The following AGBL1 variants were observed in gnomAD, a reference collection of about 807,000 sequenced individuals.
AGBL1 encodes cytosolic carboxypeptidase 4.
In AGBL1, 130 loss-of-function variants were observed where a neutral mutation model predicts 118.9. That is an observed-to-expected ratio of 1.09 (90% CI 0.95 to 1.26). The LOEUF (loss-of-function observed/expected upper bound fraction) is 1.26, where lower values mean the gene tolerates loss of function less well. Among genes scored for constraint, AGBL1 ranks in the 50% most tolerant of loss-of-function variants. AGBL1 has a pLI of 0.00. For synonymous variants in AGBL1, 555 were observed against 478.9 expected, an observed-to-expected ratio of 1.16 and a Z score of -2.08; for missense variants, 1,584 against 1,298.1, an observed-to-expected ratio of 1.22 and a Z score of -3.38.
At chr15:86,196,879 G>GCGCACACACACA (rs756313941) in intron 5 of AGBL1, among the ~76,000 whole-genome samples, 100 of 117,008 alleles carry the variant, frequency 8.5e-4, no homozygotes, top group Middle Eastern at 4.6e-3. Context: ...GCGCGCGCGC[G>GCGCACACACACA]CACACACACA....
intron 16 of AGBL1, among the ~76,000 whole-genome samples, chr15:86,280,089 G>A (rs1186037526): frequency 3.3e-5 from 5 of 152,166 alleles, no homozygotes. Flanking sequence ...AAAAAGTCAA[G>A]TTAAGTATGA....
Position 86,303,952 on chromosome 15 carries a change from G to A in AGBL1, c.2374+8544G>A, listed in dbSNP as rs555624677. Among the ~76,000 whole-genome samples, 4 of 152,206 alleles carry A rather than the reference G, an allele frequency of 2.6e-5. 1 individual carries two copies. Among genetic ancestry groups the A allele is most frequent in the South Asian group, 4.1e-4 (2 of 4,828 alleles). On this transcript the variant is annotated intron_variant, in intron 17 of 22. Transcript: ENST00000614907. ...GAGAAAGACATATAATAAGTAGGAG[G>A]TAGAGCTTGGATTTGAACCAAATCT... is the stretch of plus-strand genomic sequence containing the variant.
At chr15:86,844,728 C>G (rs2079294472) in intron 22 of AGBL1, among the ~76,000 whole-genome samples, 1 of 152,026 alleles carries the variant, frequency 6.6e-6, no homozygotes, top group African/African-American at 2.4e-5. Context: ...TCCAAAATGA[C>G]AATTTTAATC....
At chr15:86,660,962 C>CA (rs1431274112) in intron 21 of AGBL1, among the ~76,000 whole-genome samples, 1 of 152,154 alleles carries the variant, frequency 6.6e-6, no homozygotes, top group African/African-American at 2.4e-5. Flanking sequence ...TGAATGCCTA[C>CA]AGGAGCCAAG....
intron 22 of AGBL1, among the ~76,000 whole-genome samples, chr15:86,725,696 T>C (rs2086808528): frequency 6.6e-6 from 1 of 152,194 alleles, no homozygotes; most frequent in Admixed American, 6.5e-5. Flanking sequence ...TGGGGTGGTG[T>C]GAGCTACCAC....
intron 22 of AGBL1, among the ~76,000 whole-genome samples, chr15:86,801,704 C>A (rs536475467): frequency 1.8e-4 from 27 of 152,202 alleles, no homozygotes; most frequent in Admixed American, 1.5e-3. Flanking sequence ...ATGGAGATCT[C>A]TCCATCATGG....
intron 1 of AGBL1, among the ~76,000 whole-genome samples, chr15:86,113,205 C>G (rs1187640276): frequency 8.1e-6 from 1 of 123,508 alleles, no homozygotes; most frequent in Non-Finnish European, 1.8e-5. Flanking sequence ...TTTATTTTTT[C>G]TTTTTCTTTT....
At chr15:86,219,807 A>G (rs1176616554) in intron 5 of AGBL1, among the ~76,000 whole-genome samples, 1 of 152,056 alleles carries the variant, frequency 6.6e-6, no homozygotes, top group Non-Finnish European at 1.5e-5. Flanking sequence ...GATCTCCACA[A>G]TCCTTATTTG....
chr15:86,360,299 T>C (rs1031265862), intron 17 of AGBL1, among the ~76,000 whole-genome samples: 4 of 151,044 alleles, frequency 2.6e-5, no homozygotes, highest in South Asian at 2.1e-4. Context: ...TCTACTGATA[T>C]AATAATGTAG....
At chr15:86,611,590 C>A (rs987904532) in intron 21 of AGBL1, among the ~76,000 whole-genome samples, 4 of 152,148 alleles carry the variant, frequency 2.6e-5, no homozygotes, top group African/African-American at 9.7e-5. Flanking sequence ...GAATTGCATC[C>A]TGTTGCAATT....
At position 86,911,631 on chromosome 15, in the gene AGBL1, A is replaced by G. The variant is rs185965092; in HGVS notation, c.*4337A>G. 1.6e-4 allele frequency: 25 copies of G among 152,310 alleles called. No homozygotes were observed. The highest frequency in any genetic ancestry group is 2.6e-4 in the Non-Finnish European group (18 of 68,042). The allele number at this position is 152,310 out of a possible 1,614,324, so 9.4% of individuals were successfully genotyped here. A position where few individuals can be genotyped will look rare whatever the true frequency, so the allele number is the denominator to read the frequency against. ...CACACATATGCACATGCACAGTGCA[A>G]TAGGGGCATGGAAGGGCACTTCTTA... On this transcript the variant is annotated 3_prime_UTR_variant, in exon 23 of 23. Coordinates refer to ENST00000614907, the MANE Select transcript of AGBL1 (RefSeq NM_001386094.1).
chr15:86,197,274 G>A (rs1034805487), intron 5 of AGBL1, among the ~76,000 whole-genome samples: 1 of 152,292 alleles, frequency 6.6e-6, no homozygotes, highest in Admixed American at 6.5e-5. Flanking sequence ...GGCAATTCTG[G>A]TGAGGACTGA....
chr15:86,863,069 C>A (rs1351431360), intron 22 of AGBL1, among the ~76,000 whole-genome samples: 1 of 152,120 alleles, frequency 6.6e-6, no homozygotes, highest in African/African-American at 2.4e-5. Context: ...AGGTAAATTA[C>A]TCTACTCACT....
chr15:86,812,600 G>A (rs572887779), intron 22 of AGBL1, among the ~76,000 whole-genome samples: 5 of 152,256 alleles, frequency 3.3e-5, no homozygotes, highest in East Asian at 1.9e-4. Flanking sequence ...ATCCTGGTAC[G>A]TGCTTAAGTG....
chr15:86,113,217 C>CTTTT, intron 1 of AGBL1, among the ~76,000 whole-genome samples: 1 of 50,802 alleles, frequency 2.0e-5, no homozygotes, highest in Admixed American at 2.3e-4. Context: ...TTTTCTTTTT[C>CTTTT]TTTTCTTTTC....
rs556642014 is a variant in AGBL1, at chr15:86,910,747, C to T, written c.*3453C>T. On this transcript the variant is annotated 3_prime_UTR_variant, in exon 23 of 23. Transcript: ENST00000614907. ...CAGAAGGAGAACAAAGAGAGGTGTA[C>T]CTAACACTTGGTGATTTTGGGGACA... is the stretch of plus-strand genomic sequence containing the variant. The T allele has an allele frequency of 6.6e-6, 1 of 152,248 alleles. No homozygotes were observed. Among genetic ancestry groups the T allele is most frequent in the South Asian group, 2.1e-4 (1 of 4,814 alleles). 9.4% of individuals were successfully genotyped at this position (152,248 alleles called of 1,614,324 possible). A position where few individuals can be genotyped will look rare whatever the true frequency, so the allele number is the denominator to read the frequency against.
At chr15:86,146,579 T>A (rs2077036518) in intron 3 of AGBL1, among the ~76,000 whole-genome samples, 1 of 152,154 alleles carries the variant, frequency 6.6e-6, no homozygotes, top group Admixed American at 6.5e-5. Context: ...CAAACTAGGG[T>A]CATACAGGTT....
chr15:86,645,243 T>A (rs1304937443), intron 21 of AGBL1, among the ~76,000 whole-genome samples: 1 of 152,176 alleles, frequency 6.6e-6, no homozygotes, highest in Non-Finnish European at 1.5e-5. Flanking sequence ...GTAAGCTATT[T>A]TAAAATAGTT....
intron 17 of AGBL1, among the ~76,000 whole-genome samples, chr15:86,388,469 A>G (rs1234031275): frequency 1.3e-5 from 2 of 152,158 alleles, no homozygotes; most frequent in Non-Finnish European, 2.9e-5. Flanking sequence ...ATTGATAATC[A>G]TTAAATTTAG....
Sources: allele counts gnomAD v4.1 joint callset (sites outside exome capture counted in the v4.1 genomes callset), GRCh38; gene constraint gnomAD v4.1.1; transcripts MANE v1.5; gene names NCBI Gene and HGNC (gene_info 2026-07-23, HGNC 2026-07-21).